Variants in EBF2 observed in about 807,000 individuals in gnomAD.
EBF2 encodes the protein transcription factor COE2.
EBF2 carries 21 observed loss-of-function variants against 72.8 expected under a neutral mutation model. That is an observed-to-expected ratio of 0.29 (90% CI 0.20 to 0.42). The LOEUF is 0.42. EBF2 is among the 10% of genes least tolerant of loss of function. The probability of loss-of-function intolerance (pLI) is 1.00; values close to 1 mark genes in which losing one functional copy is unlikely to be tolerated. For synonymous variants in EBF2, 299 were observed against 274.2 expected, an observed-to-expected ratio of 1.09 and a Z score of -0.89; for missense variants, 637 against 731.2, an observed-to-expected ratio of 0.87 and a Z score of 1.49.
chr8:25,866,633 ATATT>A lies in EBF2; in HGVS notation c.1010-3840_1010-3837del, dbSNP rs376274370. On this transcript the variant is annotated intron_variant, in intron 10 of 15. Transcript: ENST00000520164. ...TTTATATTATATTATATATATATAT[ATATT>A]TTTTTTTTTTTTGAGACAAAGTCTT... Among the ~76,000 whole-genome samples, 362 of 90,246 alleles carry A rather than the reference ATATT, an allele frequency of 4.0e-3. 3 individuals carry two copies. Among genetic ancestry groups the A allele is most frequent in the Middle Eastern group, 0.026 (5 of 196 alleles). The allele number at this position is 90,246 out of a possible 152,430, so 59.2% of individuals were successfully genotyped here.
chr8:25,947,170 G>A (rs1016717835), intron 6 of EBF2, among the ~76,000 whole-genome samples: 1 of 152,118 alleles, frequency 6.6e-6, no homozygotes, highest in Admixed American at 6.5e-5. Flanking sequence ...ATCCTCATGT[G>A]TCATGGAAGG....
At chr8:25,872,743 A>G (rs1423979593) in intron 10 of EBF2, among the ~76,000 whole-genome samples, 1 of 152,242 alleles carries the variant, frequency 6.6e-6, no homozygotes, top group Non-Finnish European at 1.5e-5. Flanking sequence ...TGTGACTGCC[A>G]TATAAACACA....
At chr8:25,858,224 G>C in intron 14 of EBF2, 95 bp downstream of exon 14, 1 of 1,469,920 alleles carries the variant, frequency 6.8e-7, no homozygotes, top group Non-Finnish European at 9.5e-7. Context: ...GACAACTTAG[G>C]AAGATTTACA....
intron 7 of EBF2, among the ~76,000 whole-genome samples, chr8:25,900,274 A>T (rs1289359468): frequency 6.6e-6 from 1 of 152,124 alleles, no homozygotes; most frequent in Non-Finnish European, 1.5e-5. Flanking sequence ...TGGGCAACAT[A>T]GCAAAACCCT....
At chr8:25,932,378 T>C (rs1803498845) in intron 6 of EBF2, among the ~76,000 whole-genome samples, 1 of 47,100 alleles carries the variant, frequency 2.1e-5, no homozygotes, top group African/African-American at 3.8e-5. Context: ...AGTCTCTTGA[T>C]TAAAAAAAAA....
At chr8:25,964,301 A>G (rs182480586) in intron 6 of EBF2, among the ~76,000 whole-genome samples, 2 of 152,324 alleles carry the variant, frequency 1.3e-5, no homozygotes, top group African/African-American at 2.4e-5. Flanking sequence ...TCATATCTAA[A>G]CTGTCCTGGC....
intron 6 of EBF2, among the ~76,000 whole-genome samples, chr8:25,999,124 T>A (rs1371502340): frequency 1.3e-5 from 2 of 152,056 alleles, no homozygotes. Context: ...TAAACAAGCT[T>A]AGAGAAAAAC....
rs996334816 is a variant in EBF2, at chr8:25,858,372, A to G, written c.1475T>C (p.Val492Ala). Reference sequence around the variant, plus strand: ...ATTTAGAAATCCTGGTGAACCTGGAACACCCAAGTTGGCCATGGGGACATT... The same window carrying G: ...ATTTAGAAATCCTGGTGAACCTGGAGCACCCAAGTTGGCCATGGGGACATT... ...YSNVPMANLGVPGSPGFLNGS... is the reference protein window; with the variant it reads ...YSNVPMANLGAPGSPGFLNGS... Residue 492 changes from valine to alanine, a missense_variant, in exon 14 of 16, where the codon GTT becomes GCT. Coordinates refer to ENST00000520164, the MANE Select transcript of EBF2 (RefSeq NM_022659.4). The G allele has an allele frequency of 5.0e-6, 8 of 1,614,076 alleles. No individual in the cohort carries two copies. Among genetic ancestry groups the G allele is most frequent in the African/African-American group, 4.0e-5 (3 of 74,922 alleles).
chr8:25,874,735 G>C (rs904486110), intron 10 of EBF2, among the ~76,000 whole-genome samples: 1 of 151,898 alleles, frequency 6.6e-6, no homozygotes, highest in Admixed American at 6.6e-5. Context: ...GCCCAGGCTG[G>C]AGTACAGTAG....
At chr8:25,872,854 C>T (rs1466857772) in intron 10 of EBF2, among the ~76,000 whole-genome samples, 7 of 152,326 alleles carry the variant, frequency 4.6e-5, no homozygotes, top group African/African-American at 9.6e-5. Flanking sequence ...CTGTTGACAG[C>T]GTAGGAAGGC....
At chr8:25,937,610 A>G (rs1803600840) in intron 6 of EBF2, among the ~76,000 whole-genome samples, 1 of 152,122 alleles carries the variant, frequency 6.6e-6, no homozygotes, top group Admixed American at 6.6e-5. Flanking sequence ...TCATTTGACT[A>G]CACTGGTAAG....
At chr8:25,935,077 A>T (rs1803553885) in intron 6 of EBF2, among the ~76,000 whole-genome samples, 1 of 152,070 alleles carries the variant, frequency 6.6e-6, no homozygotes, top group Non-Finnish European at 1.5e-5. Context: ...GACTCAATTG[A>T]CTGTAACCCA....
At chr8:26,043,073 CTGG>C (rs1312821604) in intron 1 of EBF2, among the ~76,000 whole-genome samples, 1 of 152,218 alleles carries the variant, frequency 6.6e-6, no homozygotes, top group African/African-American at 2.4e-5. Context: ...GCTGCGTTTT[CTGG>C]CGGCGCCAGC....
At chr8:26,020,035 C>A (rs547171351) in intron 6 of EBF2, among the ~76,000 whole-genome samples, 15 of 152,100 alleles carry the variant, frequency 9.9e-5, no homozygotes, top group African/African-American at 2.2e-4. Flanking sequence ...AAAGGTGGAG[C>A]AGGTCAGGCA....
Position 25,859,320 on chromosome 8 carries a change from G to C in EBF2, c.1343-816C>G, listed in dbSNP as rs77309509. Among the ~76,000 whole-genome samples the C allele has an allele frequency of 1.9e-3, 287 of 152,310 alleles. 3 individuals carry two copies. The Middle Eastern group carries it at 0.048, about 25-fold the overall frequency. On this transcript the variant is annotated intron_variant, in intron 13 of 15. Coordinates refer to ENST00000520164, the MANE Select transcript of EBF2 (RefSeq NM_022659.4). ...GCATCTTTTGGCGGGGCCTGGAGGG[G>C]AACGGTATCTTCACCTCTCTGGGGC...
intron 10 of EBF2, among the ~76,000 whole-genome samples, chr8:25,884,972 G>C (rs1005329878): frequency 6.6e-6 from 1 of 152,032 alleles, no homozygotes; most frequent in Non-Finnish European, 1.5e-5. Context: ...TTTATAATAT[G>C]CCTGCTATAT....
intron 6 of EBF2, among the ~76,000 whole-genome samples, chr8:25,964,239 A>G (rs1168409206): frequency 6.6e-6 from 1 of 150,776 alleles, no homozygotes; most frequent in Admixed American, 6.6e-5. Flanking sequence ...GAGTGTCTGC[A>G]AAGAGCAGCA....
chr8:25,917,703 A>G (rs1345481114), intron 6 of EBF2, among the ~76,000 whole-genome samples: 1 of 152,186 alleles, frequency 6.6e-6, no homozygotes, highest in African/African-American at 2.4e-5. Context: ...TTAGTCAGCC[A>G]TCAGCTTAAT....
chr8:25,956,392 C>T (rs961720797), intron 6 of EBF2, among the ~76,000 whole-genome samples: 22 of 149,584 alleles, frequency 1.5e-4, no homozygotes, highest in African/African-American at 2.0e-4. Context: ...GCAACAAGAG[C>T]GAAACTCCTT....
Sources: allele counts gnomAD v4.1 joint callset (sites outside exome capture counted in the v4.1 genomes callset), GRCh38; gene constraint gnomAD v4.1.1; transcripts MANE v1.5; gene names NCBI Gene and HGNC (gene_info 2026-07-23, HGNC 2026-07-21).